The following ZNF292 variants were observed in gnomAD, a reference collection of about 807,000 sequenced individuals.
The protein encoded by ZNF292 is zinc finger protein 292, also known as 16 zinc-finger domain protein.
ZNF292 carries 26 observed loss-of-function variants against 217.9 expected under a neutral mutation model. The ratio of observed to expected loss-of-function variants is 0.12; its 90% CI spans 0.09 to 0.17. The LOEUF is 0.17. Among genes scored for constraint, ZNF292 ranks in the 10% least tolerant of loss-of-function variants. The probability of loss-of-function intolerance (pLI) is 1.00; values close to 1 mark genes in which losing one functional copy is unlikely to be tolerated. For missense variants in ZNF292, 2,904 were observed against 3,175.2 expected (o/e 0.91, Z 2.05); for synonymous variants, 1,257 against 1,124.1 (o/e 1.12, Z -2.37).
At chr6:87,191,236 G>A (rs1204416889) in intron 1 of ZNF292, among the ~76,000 whole-genome samples, 1 of 151,902 alleles carries the variant, frequency 6.6e-6, no homozygotes, top group African/African-American at 2.4e-5. Context: ...TAGAAGAATT[G>A]TCTTGAGCCA....
chr6:87,167,913 A>G (rs1770969633), intron 1 of ZNF292, among the ~76,000 whole-genome samples: 3 of 152,248 alleles, frequency 2.0e-5, no homozygotes, highest in Non-Finnish European at 4.4e-5. Context: ...CTATAAAGGC[A>G]GAACCAAAAG....
intron 1 of ZNF292, among the ~76,000 whole-genome samples, chr6:87,177,633 G>T (rs1354608950): frequency 1.3e-5 from 2 of 152,042 alleles, no homozygotes; most frequent in Non-Finnish European, 2.9e-5. Flanking sequence ...GTTCCTTAAA[G>T]ACTTTAAAAG....
intron 1 of ZNF292, among the ~76,000 whole-genome samples, chr6:87,176,633 C>T (rs1290439462): frequency 6.6e-6 from 1 of 152,152 alleles, no homozygotes. Flanking sequence ...TTCTTCCTTT[C>T]ACTCTTCACT....
At chr6:87,235,852 G>C (rs1458246786) in intron 5 of ZNF292, among the ~76,000 whole-genome samples, 1 of 152,092 alleles carries the variant, frequency 6.6e-6, no homozygotes, top group African/African-American at 2.4e-5. Context: ...AAAAAAACTA[G>C]ATCATATAGT....
In ZNF292 at chr6:87,228,222, A is replaced by G. The variant is rs575967267; in HGVS notation, c.539-5103A>G. 1.9e-3 allele frequency among the ~76,000 whole-genome samples: 292 copies of G among 152,078 alleles called. 6 individuals carry two copies. The South Asian group carries it at 0.035, about 18-fold the overall frequency. On this transcript the variant is annotated intron_variant, in intron 4 of 7. Coordinates refer to ENST00000369577, the MANE Select transcript of ZNF292 (RefSeq NM_015021.3). Reference sequence around the variant, plus strand: ...TTTCGTATGCTTGTTGGCCATTCGTATGTTATCTTTTGAGAAATATCTATT... The same window carrying G: ...TTTCGTATGCTTGTTGGCCATTCGTGTGTTATCTTTTGAGAAATATCTATT...
At chr6:87,239,396 T>TGG in intron 5 of ZNF292, among the ~76,000 whole-genome samples, 1 of 142,772 alleles carries the variant, frequency 7.0e-6, no homozygotes, top group East Asian at 2.1e-4. Flanking sequence ...GGCCGGGGGC[T>TGG]GGCCCCCACC....
chr6:87,217,204 A>T (rs1314130515), intron 3 of ZNF292, among the ~76,000 whole-genome samples: 1 of 152,072 alleles, frequency 6.6e-6, no homozygotes, highest in East Asian at 1.9e-4. Context: ...TAAACTTTAG[A>T]AGCATGTAAA....
At chr6:87,173,941 T>C in intron 1 of ZNF292, 1 of 206,198 alleles carries the variant, frequency 4.8e-6, no homozygotes, top group Non-Finnish European at 1.0e-5. Flanking sequence ...CTTTGTTAAC[T>C]GTACTATAAC....
At chr6:87,165,981 C>A (rs557341917) in intron 1 of ZNF292, among the ~76,000 whole-genome samples, 1 of 152,274 alleles carries the variant, frequency 6.6e-6, no homozygotes, top group East Asian at 1.9e-4. Flanking sequence ...TGGTCTCAAA[C>A]TCCTGACCTC....
At chr6:87,212,639 A>G (rs1428829930) in intron 1 of ZNF292, among the ~76,000 whole-genome samples, 2 of 152,226 alleles carry the variant, frequency 1.3e-5, no homozygotes, top group East Asian at 3.8e-4. Flanking sequence ...ACTGAATTCA[A>G]AGACTGGTCA....
In ZNF292 at chr6:87,185,063, G is replaced by GT. The variant is rs1771602973; in HGVS notation, c.168+29309dup. On this transcript the variant is annotated intron_variant, in intron 1 of 7. Transcript: ENST00000369577. Reference sequence around the variant, plus strand: ...CACACCCAAAATAGTGCTTTAACAGGTTTTTAGGTATTCCTTAATCCAGTC... The same window carrying GT: ...CACACCCAAAATAGTGCTTTAACAGGTTTTTTAGGTATTCCTTAATCCAGTC... Among the ~76,000 whole-genome samples the GT allele has an allele frequency of 2.0e-5, 3 of 152,104 alleles. No homozygotes were observed. In the East Asian group the frequency reaches 5.8e-4, roughly 29 times the overall value.
Position 87,260,531 on chromosome 6 carries a change from A to T in ZNF292, c.6902A>T (p.Asn2301Ile), listed in dbSNP as rs368253558. ...RPRRLTPGQENMSSKANQEKS... is the reference protein window; with the variant it reads ...RPRRLTPGQEIMSSKANQEKS... ...AGAAGATTAACACCAGGCCAGGAAA[A>T]TATGTCAAGCAAGGCAAACCAAGAA... The change falls in exon 8 of 8, where the codon AAT (asparagine) becomes ATT (isoleucine). Residue 2301 changes from asparagine to isoleucine, a missense_variant. Physicochemically the swap from Asn to Ile is moderately radical, Grantham distance 149. Transcript: ENST00000369577. 2 of 1,613,276 alleles carry T rather than the reference A, an allele frequency of 1.2e-6. No homozygotes were observed. The highest frequency in any genetic ancestry group is 1.3e-5 in the African/African-American group (1 of 74,882).
chr6:87,243,835 A>G (rs554973847), intron 6 of ZNF292, among the ~76,000 whole-genome samples: 1 of 152,354 alleles, frequency 6.6e-6, no homozygotes, highest in South Asian at 2.1e-4. Context: ...ACCAGGAATT[A>G]TCTTTGGTCA....
chr6:87,259,920 A>T lies in ZNF292; in HGVS notation c.6291A>T (p.Pro2097=), dbSNP rs1775469777. 6.2e-7 allele frequency: 1 copy of T among 1,613,686 alleles called. No individual in the cohort carries two copies. The highest frequency in any genetic ancestry group is 8.5e-7 in the Non-Finnish European group (1 of 1,179,686). ...AGGAGGAGAAAAAACGAAAGAAGCC[A>T]GTTTCCCAATCCCTTGAGTTTCCAA... ...KEKEEKKRKK[P]VSQSLEFPTR... Residue 2097 remains proline (P), a synonymous_variant, in exon 8 of 8, where the codon CCA becomes CCT. Coordinates refer to ENST00000369577, the MANE Select transcript of ZNF292 (RefSeq NM_015021.3).
chr6:87,252,434 G>T (rs1236851263), intron 7 of ZNF292, among the ~76,000 whole-genome samples: 1 of 152,076 alleles, frequency 6.6e-6, no homozygotes, highest in African/African-American at 2.4e-5. Flanking sequence ...ATTAACAGGC[G>T]TGAGCCACCA....
At chr6:87,232,919 G>A (rs919051141) in intron 4 of ZNF292, among the ~76,000 whole-genome samples, 1 of 152,052 alleles carries the variant, frequency 6.6e-6, no homozygotes, top group Non-Finnish European at 1.5e-5. Context: ...ATAGCTTTTT[G>A]TGGTTACTCA....
Position 87,175,690 on chromosome 6 carries a change from T to C in ZNF292, c.168+19931T>C, listed in dbSNP as rs74787970. On this transcript the variant is annotated intron_variant, in intron 1 of 7. Transcript: ENST00000369577. ...TGGCTTGGCATATCTGTAGTACTTG[T>C]AGACCTGCATAGCAACCCAGCAGTT... 6.9e-3 allele frequency among the ~76,000 whole-genome samples: 1,053 copies of C among 152,348 alleles called. 16 individuals carry two copies. The highest frequency in any genetic ancestry group is 0.023 in the African/African-American group (953 of 41,582).
At chr6:87,207,557 C>A (rs1393923983) in intron 1 of ZNF292, among the ~76,000 whole-genome samples, 2 of 152,092 alleles carry the variant, frequency 1.3e-5, no homozygotes, top group Non-Finnish European at 2.9e-5. Context: ...GAAACATATT[C>A]TTTATTTCAT....
chr6:87,197,042 A>G (rs1771970110), intron 1 of ZNF292, among the ~76,000 whole-genome samples: 1 of 151,558 alleles, frequency 6.6e-6, no homozygotes, highest in African/African-American at 2.4e-5. Context: ...CAGACAAAAC[A>G]AATCCAAATG....
Sources: allele counts gnomAD v4.1 joint callset (sites outside exome capture counted in the v4.1 genomes callset), GRCh38; gene constraint gnomAD v4.1.1; transcripts MANE v1.5; gene names NCBI Gene and HGNC (gene_info 2026-07-23, HGNC 2026-07-21).